The following SDK1 variants were observed in gnomAD, a reference collection of about 807,000 sequenced individuals.
SDK1 encodes protein sidekick-1.
In SDK1, 157 loss-of-function variants were observed where a neutral mutation model predicts 245.5. The ratio of observed to expected loss-of-function variants is 0.64; its 90% confidence interval spans 0.56 to 0.73. The LOEUF (loss-of-function observed/expected upper bound fraction) is 0.73, where lower values mean the gene tolerates loss of function less well. SDK1 is among the 30% of genes least tolerant of loss of function. SDK1 has a pLI of 0.00. For missense variants in SDK1, 3,583 were observed against 3,002.3 expected (o/e 1.19, Z -4.52); for synonymous variants, 1,647 against 1,278.5 (o/e 1.29, Z -6.15).
chr7:3,559,334 G>A (rs1240763909), intron 1 of SDK1, among the ~76,000 whole-genome samples: 3 of 152,112 alleles, frequency 2.0e-5, no homozygotes, highest in South Asian at 2.1e-4. Flanking sequence ...GTAGTTGGAA[G>A]TATTGTCCGC....
rs2128539463 is a variant in SDK1, at chr7:3,301,810, A to G, written c.224A>G (p.Lys75Arg). 9 of 1,068,686 alleles carry G rather than the reference A, an allele frequency of 8.4e-6. No individual in the cohort carries two copies. Among genetic ancestry groups the G allele is most frequent in the Non-Finnish European group, 1.0e-5 (9 of 885,554 alleles). The allele number at this position is 1,068,686 out of a possible 1,614,324, so 66.2% of individuals were successfully genotyped here. The change falls in exon 1 of 45, where the codon AAG becomes AGG. Residue 75 changes from lysine to arginine, a missense_variant. Coordinates refer to ENST00000404826, the MANE Select transcript of SDK1 (RefSeq NM_152744.4). ...AGRCGGRRAA[K>R]LGPGRRGWWA... Reference sequence around the variant, plus strand: ...CGGTGCGGCGGGCGGCGGGCGGCAAAGTTGGGGCCGGGCCGCCGCGGCTGG... The same window carrying G: ...CGGTGCGGCGGGCGGCGGGCGGCAAGGTTGGGGCCGGGCCGCCGCGGCTGG...
chr7:3,612,355 C>T (rs1781620371), intron 1 of SDK1, among the ~76,000 whole-genome samples: 1 of 152,120 alleles, frequency 6.6e-6, no homozygotes, highest in African/African-American at 2.4e-5. Context: ...TTAAACCTCA[C>T]CCCAGAAGTA....
intron 5 of SDK1, among the ~76,000 whole-genome samples, chr7:3,840,283 C>G (rs1338145171): frequency 6.6e-6 from 1 of 152,068 alleles, no homozygotes; most frequent in African/African-American, 2.4e-5. Context: ...GAGAAGAGAA[C>G]ATGTTGGGCC....
intron 32 of SDK1, among the ~76,000 whole-genome samples, chr7:4,165,311 A>G (rs532567399): frequency 2.6e-5 from 4 of 152,284 alleles, no homozygotes; most frequent in Admixed American, 2.6e-4. Context: ...GTGAGCCAAG[A>G]TGGCACCATT....
At chr7:3,396,099 T>C (rs1050149615) in intron 1 of SDK1, among the ~76,000 whole-genome samples, 2 of 151,868 alleles carry the variant, frequency 1.3e-5, no homozygotes, top group African/African-American at 2.4e-5. Context: ...CACTATACGT[T>C]TTTTTCTAAG....
At chr7:3,419,012 G>GT (rs1779461833) in intron 1 of SDK1, among the ~76,000 whole-genome samples, 2 of 152,284 alleles carry the variant, frequency 1.3e-5, no homozygotes, top group African/African-American at 4.8e-5. Flanking sequence ...ATCAAAAGTC[G>GT]TAACTCCTTT....
intron 1 of SDK1, among the ~76,000 whole-genome samples, chr7:3,328,410 C>G (rs960408495): frequency 6.6e-6 from 1 of 152,048 alleles, no homozygotes; most frequent in South Asian, 2.1e-4. Context: ...CATTTTAGAT[C>G]ATGCTAACAT....
chr7:4,042,676 G>A (rs1047666081), intron 17 of SDK1, among the ~76,000 whole-genome samples: 2 of 152,078 alleles, frequency 1.3e-5, no homozygotes, highest in Admixed American at 6.6e-5. Flanking sequence ...GGGAGGCCAC[G>A]CTGCACACTT....
intron 1 of SDK1, among the ~76,000 whole-genome samples, chr7:3,458,793 C>T (rs1026690198): frequency 1.3e-5 from 2 of 152,138 alleles, no homozygotes; most frequent in South Asian, 2.1e-4. Context: ...TTTCTACTTG[C>T]TCCAGGAAAT....
At position 3,441,403 on chromosome 7, in the gene SDK1, A is replaced by C. The variant is rs144540058; in HGVS notation, c.298+139519A>C. Among the ~76,000 whole-genome samples the C allele has an allele frequency of 4.7e-3, 718 of 152,112 alleles. 10 individuals are homozygous for C. The highest frequency in any genetic ancestry group is 0.016 in the African/African-American group (679 of 41,504). ...ATCTCAAAAAAACAAAAAACAAACA[A>C]AAAAAAACCAAAATCTCTTTTTGTG... On this transcript the variant is annotated intron_variant, in intron 1 of 44. Transcript: ENST00000404826.
chr7:3,386,691 C>T (rs912966750), intron 1 of SDK1, among the ~76,000 whole-genome samples: 3 of 152,134 alleles, frequency 2.0e-5, no homozygotes, highest in African/African-American at 7.2e-5. Flanking sequence ...TTTTCCAGTT[C>T]AGCTTCTGTA....
chr7:3,316,797 A>G (rs1021005018), intron 1 of SDK1, among the ~76,000 whole-genome samples: 1 of 152,170 alleles, frequency 6.6e-6, no homozygotes, highest in Admixed American at 6.5e-5. Flanking sequence ...CCTGAAGTCT[A>G]CAGTATTTGT....
At chr7:4,005,867 C>T (rs181075445) in intron 14 of SDK1, among the ~76,000 whole-genome samples, 2 of 152,030 alleles carry the variant, frequency 1.3e-5, no homozygotes, top group African/African-American at 2.4e-5. Context: ...CCCGTCTCTA[C>T]AAAAAATACA....
At chr7:3,950,262 G>C (rs1433227945) in intron 5 of SDK1, among the ~76,000 whole-genome samples, 2 of 152,172 alleles carry the variant, frequency 1.3e-5, no homozygotes, top group Admixed American at 6.5e-5. Flanking sequence ...CAGTGACCCT[G>C]CCCCAGGGCT....
intron 4 of SDK1, among the ~76,000 whole-genome samples, chr7:3,707,352 G>T (rs919417126): frequency 2.6e-5 from 4 of 152,148 alleles, no homozygotes; most frequent in African/African-American, 9.7e-5. Context: ...ACATGTGTTT[G>T]TAGTTTTCAA....
At position 4,026,503 on chromosome 7, in the gene SDK1, C is replaced by T. The variant is rs1178738838; in HGVS notation, c.2602+9151C>T. On this transcript the variant is annotated intron_variant, in intron 17 of 44. Coordinates refer to ENST00000404826, the MANE Select transcript of SDK1 (RefSeq NM_152744.4). This position sits in a 1 kb window ranked among gnomAD's most constrained non-coding sequence, Gnocchi z 4.1. The stretch of plus-strand genomic sequence containing the variant: ...CAGCCTGCCAGGGCCTGCGGGCTCT[C>T]CCCACGTGCTGTGCCCCCACCCCAG... Among the ~76,000 whole-genome samples, 1 of 152,202 alleles carries T rather than the reference C, an allele frequency of 6.6e-6. No homozygotes were observed. The highest frequency in any genetic ancestry group is 2.4e-5 in the African/African-American group (1 of 41,448).
chr7:3,471,360 A>C (rs1781175603), intron 1 of SDK1, among the ~76,000 whole-genome samples: 1 of 152,182 alleles, frequency 6.6e-6, no homozygotes, highest in South Asian at 2.1e-4. Context: ...AAGTGGTATT[A>C]GGAATCTAGA....
At chr7:4,010,872 A>T (rs1289143128) in intron 14 of SDK1, 94 bp from the exon 15 acceptor site, 1 of 1,322,598 alleles carries the variant, frequency 7.6e-7, no homozygotes, top group African/African-American at 1.4e-5. Flanking sequence ...TGCTAAGCAA[A>T]TGAGATGTTC....
chr7:3,758,793 T>C (rs545880053), intron 4 of SDK1, among the ~76,000 whole-genome samples: 1 of 152,292 alleles, frequency 6.6e-6, no homozygotes, highest in South Asian at 2.1e-4. Context: ...CCCTGTGCTG[T>C]CACATCCTCT....
Sources: gnomAD v4.1 joint callset for allele counts (sites outside exome capture counted in the v4.1 genomes callset) on GRCh38, gnomAD v4.1.1 for gene constraint, Gnocchi (gnomAD v3.1) non-coding constraint, MANE v1.5 for transcripts, NCBI Gene and HGNC (gene_info 2026-07-23, HGNC 2026-07-21) for gene names.